The following FOXP2 variants were observed in gnomAD, a reference collection of about 807,000 sequenced individuals.
FOXP2 encodes the protein forkhead box protein P2.
A neutral mutation model predicts 115.8 loss-of-function variants in FOXP2; 12 were observed. The observed-to-expected ratio is 0.10, with a 90% CI of 0.07 to 0.17. The LOEUF is 0.17. FOXP2 is among the 10% of genes least tolerant of loss of function. The pLI, the probability that FOXP2 is intolerant of heterozygous loss-of-function variation, is 1.00. For synonymous variants in FOXP2, 328 were observed against 297.7 expected (o/e 1.10, Z -1.05); for missense variants, 629 against 843.5 (o/e 0.75, Z 3.15).
At chr7:114,375,121 A>G (rs1792110016) in intron 2 of FOXP2, among the ~76,000 whole-genome samples, 1 of 152,208 alleles carries the variant, frequency 6.6e-6, no homozygotes, top group Admixed American at 6.5e-5. Context: ...ATAAGGGTTG[A>G]AACTAGAGTA....
intron 2 of FOXP2, among the ~76,000 whole-genome samples, chr7:114,385,043 TC>T (rs981091094): frequency 3.3e-5 from 5 of 151,582 alleles, no homozygotes; most frequent in Admixed American, 1.3e-4. Context: ...TGTCTCTCTC[TC>T]CCCCCCTCTC....
chr7:114,311,406 CT>C (rs1345646002), intron 2 of FOXP2, among the ~76,000 whole-genome samples: 1 of 152,134 alleles, frequency 6.6e-6, no homozygotes, highest in African/African-American at 2.4e-5. Flanking sequence ...AGGAGGGTGG[CT>C]TTGTGGATTG....
At chr7:114,334,509 C>A (rs1797793004) in intron 2 of FOXP2, among the ~76,000 whole-genome samples, 1 of 149,794 alleles carries the variant, frequency 6.7e-6, no homozygotes, top group African/African-American at 2.5e-5. Context: ...ACATAGTTTC[C>A]AAAGATGATG....
At chr7:114,587,877 T>TTATATATATATATATATA (rs1802217780) in intron 3 of FOXP2, among the ~76,000 whole-genome samples, 1 of 43,218 alleles carries the variant, frequency 2.3e-5, no homozygotes, top group African/African-American at 6.7e-5. Flanking sequence ...TAAGAGATAA[T>TTATATATATATATATATA]TAAATCCACC....
Position 114,426,745 on chromosome 7 carries a change from G to A in FOXP2, c.168+66G>A, listed in dbSNP as rs1041527394. 27 of 1,486,430 alleles carry A rather than the reference G, an allele frequency of 1.8e-5. No individual in the cohort carries two copies. In the Admixed American group the frequency reaches 2.5e-4, roughly 14 times the overall value. 92.1% of individuals were successfully genotyped at this position (1,486,430 alleles called of 1,614,324 possible). On this transcript the variant is annotated intron_variant, in intron 2 of 16. Transcript: ENST00000350908. ...GCTTGTTTTATTGAATATGAAAAAT[G>A]TATTCATAGCAAACTGAGCATGTTG... is the stretch of plus-strand genomic sequence containing the variant.
intron 3 of FOXP2, among the ~76,000 whole-genome samples, chr7:114,585,731 G>A (rs909838758): frequency 2.0e-5 from 3 of 152,106 alleles, no homozygotes; most frequent in Admixed American, 6.6e-5. Flanking sequence ...ACTGGGTGTG[G>A]TGACATGCAC....
At chr7:114,583,303 C>T (rs548013700) in intron 3 of FOXP2, among the ~76,000 whole-genome samples, 3 of 152,056 alleles carry the variant, frequency 2.0e-5, no homozygotes, top group South Asian at 2.1e-4. Context: ...CCCTTTAACC[C>T]GGAGGTGGGG....
intron 3 of FOXP2, among the ~76,000 whole-genome samples, chr7:114,552,563 A>T (rs1391304277): frequency 6.6e-6 from 1 of 152,192 alleles, no homozygotes; most frequent in African/African-American, 2.4e-5. Context: ...TATCAGCAAA[A>T]ACAAGAAGAA....
intron 2 of FOXP2, chr7:114,499,163 G>A (rs1054652088): frequency 1.1e-5 from 5 of 470,174 alleles, no homozygotes; most frequent in Non-Finnish European, 1.9e-5. Flanking sequence ...AACTTATGAG[G>A]AATCATGAGA....
At chr7:114,643,254 C>T (rs1805681985) in intron 7 of FOXP2, among the ~76,000 whole-genome samples, 1 of 151,902 alleles carries the variant, frequency 6.6e-6, no homozygotes. Flanking sequence ...ATATGATTAA[C>T]CTGATTGCTG....
At chr7:114,158,637 C>A (rs908111158), upstream of FOXP2, among the ~76,000 whole-genome samples, 2 of 151,974 alleles carry the variant, frequency 1.3e-5, no homozygotes, top group Non-Finnish European at 2.9e-5. Flanking sequence ...TATTTTGTGA[C>A]CCTTATGTTG....
intron 3 of FOXP2, among the ~76,000 whole-genome samples, chr7:114,569,211 G>A (rs1415435942): frequency 4.6e-5 from 7 of 151,960 alleles, no homozygotes; most frequent in Non-Finnish European, 8.8e-5. Flanking sequence ...AAATCGTGTG[G>A]CTTGTTTTGA....
chr7:114,152,779 T>C (rs1792560938), intron 1 of FOXP2, among the ~76,000 whole-genome samples: 1 of 152,106 alleles, frequency 6.6e-6, no homozygotes, highest in Non-Finnish European at 1.5e-5. Context: ...TTTGCTGTCA[T>C]TGACCGTAGG....
At chr7:114,598,040 G>A (rs1802819163) in intron 3 of FOXP2, among the ~76,000 whole-genome samples, 1 of 152,036 alleles carries the variant, frequency 6.6e-6, no homozygotes, top group Non-Finnish European at 1.5e-5. Flanking sequence ...AAATAGTTAT[G>A]TTCATGTTAT....
intron 2 of FOXP2, among the ~76,000 whole-genome samples, chr7:114,508,106 T>G (rs1044551098): frequency 5.3e-5 from 8 of 152,028 alleles, no homozygotes; most frequent in African/African-American, 1.9e-4. Context: ...AAAACATATT[T>G]TATTAAATAA....
At chr7:114,471,719 G>A (rs1182388075) in intron 2 of FOXP2, among the ~76,000 whole-genome samples, 1 of 151,776 alleles carries the variant, frequency 6.6e-6, no homozygotes, top group Non-Finnish European at 1.5e-5. Flanking sequence ...GGAGGCCGAG[G>A]CGGGCGGATC....
chr7:114,309,294 G>T (rs1221111824), intron 2 of FOXP2, among the ~76,000 whole-genome samples: 3 of 152,144 alleles, frequency 2.0e-5, no homozygotes, highest in African/African-American at 7.2e-5. Flanking sequence ...CTGGTTTCTT[G>T]TTATCTATAA....
chr7:114,469,070 G>A (rs1030079113), intron 2 of FOXP2, among the ~76,000 whole-genome samples: 4 of 152,134 alleles, frequency 2.6e-5, no homozygotes, highest in Non-Finnish European at 5.9e-5. Context: ...CTCGTGGCCT[G>A]TGATCGGCTC....
intron 3 of FOXP2, among the ~76,000 whole-genome samples, chr7:114,625,070 A>G (rs1009368157): frequency 6.6e-6 from 1 of 151,676 alleles, no homozygotes; most frequent in African/African-American, 2.4e-5. Context: ...TGCTTAATTC[A>G]TGTAATGAGA....
Sources: gnomAD v4.1 joint callset for allele counts (sites outside exome capture counted in the v4.1 genomes callset) on GRCh38, gnomAD v4.1.1 for gene constraint, MANE v1.5 for transcripts, NCBI Gene and HGNC (gene_info 2026-07-23, HGNC 2026-07-21) for gene names.